Variants in KIRREL3 observed in about 807,000 individuals in gnomAD.
KIRREL3 encodes kin of IRRE-like protein 3.
KIRREL3 carries 36 observed loss-of-function variants against 89.7 expected under a neutral mutation model. The observed-to-expected ratio is 0.40, with a 90% CI of 0.31 to 0.53. The LOEUF is 0.53. Ranked by LOEUF, KIRREL3 falls within the 20% of genes least tolerant of loss-of-function variation. KIRREL3 has a pLI of 0.49. For missense variants in KIRREL3, 864 were observed against 1,056.6 expected (o/e 0.82, Z 2.53); for synonymous variants, 445 against 441.4 (o/e 1.01, Z -0.10).
chr11:126,861,668 A>T (rs1944708487), intron 1 of KIRREL3, among the ~76,000 whole-genome samples: 1 of 152,228 alleles, frequency 6.6e-6, no homozygotes, highest in Non-Finnish European at 1.5e-5. Flanking sequence ...TACATGTAAA[A>T]GCCCTTTGTA....
intron 1 of KIRREL3, among the ~76,000 whole-genome samples, chr11:126,762,492 C>A (rs1949695401): frequency 6.6e-6 from 1 of 152,186 alleles, no homozygotes; most frequent in Non-Finnish European, 1.5e-5. Context: ...GCCTCCCTTG[C>A]CGCTATGTGA....
chr11:126,834,209 C>T (rs142468697), intron 1 of KIRREL3, among the ~76,000 whole-genome samples: 1 of 152,174 alleles, frequency 6.6e-6, no homozygotes, highest in African/African-American at 2.4e-5. Context: ...GATCCCAGCA[C>T]ATTATCTCTG....
chr11:126,824,278 C>A (rs1418832999), intron 1 of KIRREL3, among the ~76,000 whole-genome samples: 1 of 152,212 alleles, frequency 6.6e-6, no homozygotes. Flanking sequence ...GACTGAAGGA[C>A]CCTCAGCCTT....
chr11:126,505,325 T>C (rs1003463554), intron 4 of KIRREL3, among the ~76,000 whole-genome samples: 1 of 152,228 alleles, frequency 6.6e-6, no homozygotes, highest in Non-Finnish European at 1.5e-5. Flanking sequence ...ATTCCAGCAC[T>C]CTGGGAGGCT....
upstream of KIRREL3, chr11:127,000,842 G>A (rs367591506): frequency 2.6e-4 from 115 of 440,718 alleles, no homozygotes; most frequent in Middle Eastern, 1.1e-3. This position sits in a 1 kb window ranked among gnomAD's most constrained non-coding sequence, Gnocchi z 7.1. Context: ...AGCTAGTGAC[G>A]AGTGACAGAA....
rs1943809134 is a variant in KIRREL3, at chr11:126,837,154, T to C, written c.55+163301A>G. 6.6e-6 allele frequency among the ~76,000 whole-genome samples: 1 copy of C among 152,192 alleles called. No homozygotes were observed. Among genetic ancestry groups the C allele is most frequent in the Non-Finnish European group, 1.5e-5 (1 of 68,034 alleles). ...TGGGTTCAAATCCAAGCTTGGTCTTTAACAAGTGTGTGGCCTTGGGTAAAT... is the reference window on the plus strand; with the variant it reads ...TGGGTTCAAATCCAAGCTTGGTCTTCAACAAGTGTGTGGCCTTGGGTAAAT... On this transcript the variant is annotated intron_variant, in intron 1 of 16. Transcript: ENST00000525144. This position sits in a 1 kb window ranked among gnomAD's most constrained non-coding sequence, Gnocchi z 4.7.
In KIRREL3 at chr11:126,812,327, G is replaced by A. The variant is rs368107915; in HGVS notation, c.55+188128C>T. Among the ~76,000 whole-genome samples, 5 of 152,248 alleles carry A rather than the reference G, an allele frequency of 3.3e-5. No homozygotes were observed. Among genetic ancestry groups the A allele is most frequent in the South Asian group, 2.1e-4 (1 of 4,814 alleles). On this transcript the variant is annotated intron_variant, in intron 1 of 16. Transcript: ENST00000525144. The surrounding 1 kb of genome is among the most constrained non-coding windows in gnomAD (Gnocchi z 5.2). ...ATAATGAGAAGGACTGGGGGAAAAC[G>A]AAGTATGCTCTCCAGGCTAACCGTT... is the stretch of plus-strand genomic sequence containing the variant.
chr11:126,949,666 A>T (rs1386238975), intron 1 of KIRREL3, among the ~76,000 whole-genome samples: 2 of 152,218 alleles, frequency 1.3e-5, no homozygotes, highest in African/African-American at 4.8e-5. Flanking sequence ...CTAGAAAGGC[A>T]TTCTCTTCTG....
intron 1 of KIRREL3, among the ~76,000 whole-genome samples, chr11:126,661,330 C>T (rs541247603): frequency 1.3e-5 from 2 of 152,310 alleles, no homozygotes; most frequent in South Asian, 4.1e-4. Flanking sequence ...CAGACAATCT[C>T]ACCAGCTGCA....
In KIRREL3 at chr11:126,424,996, T is replaced by G; in HGVS notation, c.1921A>C (p.Asn641His). The change falls in exon 17 of 17, where the codon AAC becomes CAC. Residue 641 changes from asparagine to histidine, a missense_variant. Asn to His is a moderately conservative substitution (Grantham distance 68). Coordinates refer to ENST00000525144, the MANE Select transcript of KIRREL3 (RefSeq NM_032531.4). The part of the protein sequence containing the change: ...KDPTNGYYSV[N>H]TFKEHHSTPT... ...GTTGAGTGGTGCTCTTTGAAGGTGTTGACGCTGTAGTAGCCATTGGTGGGG... is the reference window on the plus strand; with the variant it reads ...GTTGAGTGGTGCTCTTTGAAGGTGTGGACGCTGTAGTAGCCATTGGTGGGG... 1 of 1,556,256 alleles carries G rather than the reference T, an allele frequency of 6.4e-7. No homozygotes were observed. Among genetic ancestry groups the G allele is most frequent in the Non-Finnish European group, 8.7e-7 (1 of 1,149,396 alleles).
chr11:126,852,656 C>T (rs1246851501), intron 1 of KIRREL3, among the ~76,000 whole-genome samples: 1 of 152,154 alleles, frequency 6.6e-6, no homozygotes, highest in Non-Finnish European at 1.5e-5. Context: ...TTGAGAAGCT[C>T]CAAATCCATA....
In KIRREL3 at chr11:126,991,241, GTTC is replaced by G. The variant is rs1950026872; in HGVS notation, c.55+9211_55+9213del. Reference sequence around the variant, plus strand: ...GCACGTCCACACTTCACTTAGTCAGGTTCTTCTTCTGCCTCCTGCCAGGGGCCC... The same window carrying G: ...GCACGTCCACACTTCACTTAGTCAGGTTCTTCTGCCTCCTGCCAGGGGCCC... On this transcript the variant is annotated intron_variant, in intron 1 of 16. Coordinates refer to ENST00000525144, the MANE Select transcript of KIRREL3 (RefSeq NM_032531.4). The surrounding 1 kb of genome is among the most constrained non-coding windows in gnomAD (Gnocchi z 5.8). Among the ~76,000 whole-genome samples the G allele has an allele frequency of 6.6e-6, 1 of 152,112 alleles. No homozygotes were observed.
intron 1 of KIRREL3, among the ~76,000 whole-genome samples, chr11:126,949,426 T>C (rs562064196): frequency 2.6e-5 from 4 of 152,344 alleles, no homozygotes; most frequent in African/African-American, 9.6e-5. Context: ...AGTTCTGAAA[T>C]GTTCTGATTC....
rs1339918257 is a variant in KIRREL3 at position 126,641,597 on chromosome 11, TACA to T, written c.56-78688_56-78686del. On this transcript the variant is annotated intron_variant, in intron 1 of 16. Transcript: ENST00000525144. This position sits in a 1 kb window ranked among gnomAD's most constrained non-coding sequence, Gnocchi z 5.0. ...AATCCATTTACAGGTCGCAGACATT[TACA>T]ACACCAGCCTCCTGGCTTCTTATGG... Among the ~76,000 whole-genome samples, 1 of 152,160 alleles carries T rather than the reference TACA, an allele frequency of 6.6e-6. No homozygotes were observed.
chr11:126,880,316 G>A (rs559793720), intron 1 of KIRREL3, among the ~76,000 whole-genome samples: 1 of 152,234 alleles, frequency 6.6e-6, no homozygotes, highest in Non-Finnish European at 1.5e-5. Context: ...TTGCTTCTTA[G>A]ACATCCAACT....
chr11:126,732,574 A>G (rs962198030), intron 1 of KIRREL3, among the ~76,000 whole-genome samples: 16 of 152,368 alleles, frequency 1.1e-4, no homozygotes, highest in African/African-American at 3.8e-4. Flanking sequence ...GGGAAAGTGT[A>G]GTCAGCTGCA....
rs547444228 is a variant in KIRREL3, at chr11:126,579,073, G to A, written c.56-16161C>T. Among the ~76,000 whole-genome samples the A allele has an allele frequency of 2.6e-5, 4 of 152,062 alleles. No individual in the cohort carries two copies. Among genetic ancestry groups the A allele is most frequent in the East Asian group, 1.9e-4 (1 of 5,154 alleles). ...CGTGCTCTGTCCGTGTGCTGCCTCC[G>A]AGAAGCCATGGCCAAGAAAGGTCTT... On this transcript the variant is annotated intron_variant, in intron 1 of 16. Coordinates refer to ENST00000525144, the MANE Select transcript of KIRREL3 (RefSeq NM_032531.4). This position sits in a 1 kb window ranked among gnomAD's most constrained non-coding sequence, Gnocchi z 5.3.
rs1441840407 is a variant in KIRREL3 at position 126,761,275 on chromosome 11, G to T, written c.56-198363C>A. 2.6e-5 allele frequency among the ~76,000 whole-genome samples: 4 copies of T among 152,224 alleles called. No homozygotes were observed. Among genetic ancestry groups the T allele is most frequent in the East Asian group, 1.9e-4 (1 of 5,196 alleles). ...TCAGGTTGTCAGGCCCCTGCACTCT[G>T]CCCAGGCAAAGGTATTCACAAACCT... On this transcript the variant is annotated intron_variant, in intron 1 of 16. Coordinates refer to ENST00000525144, the MANE Select transcript of KIRREL3 (RefSeq NM_032531.4). This position sits in a 1 kb window ranked among gnomAD's most constrained non-coding sequence, Gnocchi z 4.4.
chr11:126,967,604 C>G (rs1298103685), intron 1 of KIRREL3, among the ~76,000 whole-genome samples: 1 of 152,042 alleles, frequency 6.6e-6, no homozygotes, highest in Non-Finnish European at 1.5e-5. Flanking sequence ...GACAAAGAAG[C>G]AACCGCAGAG....
Sources: gnomAD v4.1 joint callset for allele counts (sites outside exome capture counted in the v4.1 genomes callset) on GRCh38, gnomAD v4.1.1 for gene constraint, Gnocchi (gnomAD v3.1) non-coding constraint, MANE v1.5 for transcripts, NCBI Gene and HGNC (gene_info 2026-07-23, HGNC 2026-07-21) for gene names.